The following SH3GL2 variants were observed in gnomAD, a reference collection of about 807,000 sequenced individuals.
SH3GL2 encodes the protein SH3 domain containing GRB2 like 2, endophilin A1, also known as endophilin-A1.
SH3GL2 carries 24 observed loss-of-function variants against 46.0 expected under a neutral mutation model. The ratio of observed to expected loss-of-function variants is 0.52; its 90% CI spans 0.38 to 0.73. The LOEUF is 0.73. Ranked by LOEUF, SH3GL2 falls within the 30% of genes least tolerant of loss-of-function variation. SH3GL2 has a pLI of 0.00. For synonymous variants in SH3GL2, 196 were observed against 147.1 expected (o/e 1.33, Z -2.40); for missense variants, 413 against 424.2 (o/e 0.97, Z 0.23).
At chr9:17,595,780 A>T (rs1465692519) in intron 1 of SH3GL2, among the ~76,000 whole-genome samples, 1 of 152,212 alleles carries the variant, frequency 6.6e-6, no homozygotes, top group African/African-American at 2.4e-5. Flanking sequence ...CATAAAGCAG[A>T]TATGTAATAT....
intron 1 of SH3GL2, among the ~76,000 whole-genome samples, chr9:17,596,178 A>G (rs1252929098): frequency 2.0e-5 from 3 of 149,140 alleles, no homozygotes; most frequent in Non-Finnish European, 2.9e-5. Context: ...GCTTAAAACT[A>G]TTGGAACACC....
At chr9:17,772,009 TTC>T (rs1453554280) in intron 3 of SH3GL2, among the ~76,000 whole-genome samples, 4 of 152,218 alleles carry the variant, frequency 2.6e-5, no homozygotes, top group African/African-American at 9.6e-5. Flanking sequence ...GTATAACTCT[TTC>T]TGTCATTTCG....
intron 1 of SH3GL2, among the ~76,000 whole-genome samples, chr9:17,685,260 A>G (rs1261364702): frequency 6.6e-6 from 1 of 151,792 alleles, no homozygotes; most frequent in African/African-American, 2.4e-5. Flanking sequence ...TTGCATGAAA[A>G]CCCCTCAGGC....
chr9:17,687,089 A>G (rs1212712883), intron 1 of SH3GL2, among the ~76,000 whole-genome samples: 4 of 152,108 alleles, frequency 2.6e-5, no homozygotes, highest in Admixed American at 2.0e-4. Context: ...TAAGCTGGTA[A>G]TAGTAAGAAT....
chr9:17,634,195 A>G (rs969439616), intron 1 of SH3GL2, among the ~76,000 whole-genome samples: 1 of 152,158 alleles, frequency 6.6e-6, no homozygotes, highest in Non-Finnish European at 1.5e-5. Context: ...GGTTAACACT[A>G]GTGAAGTTCT....
chr9:17,749,660 A>G (rs529481778), intron 2 of SH3GL2, among the ~76,000 whole-genome samples: 157 of 152,328 alleles, frequency 1.0e-3, no homozygotes, highest in Non-Finnish European at 2.0e-3. Context: ...CTTAAATGAG[A>G]CTAAAAAGAA....
rs186650143 is a variant in SH3GL2 at position 17,611,759 on chromosome 9, A to G, written c.45+32472A>G. ...CCTTGCTACACCCCGTCAGGAGGAG[A>G]TTAGAGGTGATCATTGCCTTGGGCT... On this transcript the variant is annotated intron_variant, in intron 1 of 8. Transcript: ENST00000380607. 4.5e-3 allele frequency among the ~76,000 whole-genome samples: 680 copies of G among 152,172 alleles called. 9 individuals carry two copies. Among genetic ancestry groups the G allele is most frequent in the African/African-American group, 0.015 (640 of 41,536 alleles).
intron 1 of SH3GL2, among the ~76,000 whole-genome samples, chr9:17,710,012 C>T (rs1412609066): frequency 6.6e-6 from 1 of 151,752 alleles, no homozygotes; most frequent in Non-Finnish European, 1.5e-5. Context: ...AAGGAGTGGT[C>T]CTTATGATTG....
chr9:17,787,303 C>G (rs546034997), intron 4 of SH3GL2, 77 bp from the exon 5 acceptor site: 19 of 1,211,480 alleles, frequency 1.6e-5, no homozygotes, highest in Admixed American at 1.2e-4. Context: ...TTTGGGTTTT[C>G]ATCTGTGAAG....
At chr9:17,602,580 A>G (rs1453538522) in intron 1 of SH3GL2, among the ~76,000 whole-genome samples, 1 of 152,208 alleles carries the variant, frequency 6.6e-6, no homozygotes, top group Non-Finnish European at 1.5e-5. Context: ...AATGAGGAGT[A>G]ACCGGATCCC....
intron 1 of SH3GL2, among the ~76,000 whole-genome samples, chr9:17,605,920 G>A (rs543842414): frequency 6.6e-6 from 1 of 152,144 alleles, no homozygotes; most frequent in African/African-American, 2.4e-5. Flanking sequence ...GGCAGTAACT[G>A]AACTGATAGT....
chr9:17,616,832 G>T (rs1382713184), intron 1 of SH3GL2, among the ~76,000 whole-genome samples: 1 of 151,892 alleles, frequency 6.6e-6, no homozygotes, highest in African/African-American at 2.4e-5. Context: ...ATTAGTTTAT[G>T]CACTTATTTG....
At chr9:17,633,785 G>T (rs1158440965) in intron 1 of SH3GL2, among the ~76,000 whole-genome samples, 2 of 152,202 alleles carry the variant, frequency 1.3e-5, no homozygotes, top group African/African-American at 4.8e-5. Context: ...CCATTTTGCT[G>T]TATGTCCATT....
intron 1 of SH3GL2, among the ~76,000 whole-genome samples, chr9:17,708,724 AG>A (rs1196623879): frequency 6.6e-6 from 1 of 151,876 alleles, no homozygotes; most frequent in African/African-American, 2.4e-5. Flanking sequence ...TCCACTTCTG[AG>A]ATTAGTTTAA....
chr9:17,766,137 G>A (rs1295611319), intron 3 of SH3GL2, among the ~76,000 whole-genome samples: 1 of 152,236 alleles, frequency 6.6e-6, no homozygotes, highest in Non-Finnish European at 1.5e-5. Flanking sequence ...GTTACACACA[G>A]TCTGAGGAGA....
intron 1 of SH3GL2, among the ~76,000 whole-genome samples, chr9:17,624,055 G>C (rs1046190446): frequency 2.6e-5 from 4 of 152,090 alleles, no homozygotes; most frequent in African/African-American, 9.7e-5. Flanking sequence ...CATTTGCACA[G>C]CCTTGGTTTA....
chr9:17,685,441 A>G (rs1421335438), intron 1 of SH3GL2, among the ~76,000 whole-genome samples: 2 of 152,224 alleles, frequency 1.3e-5, no homozygotes, highest in South Asian at 2.1e-4. Context: ...TACCTTCACA[A>G]CAGTACCTAG....
At chr9:17,761,546 A>G (rs759724339) in intron 3 of SH3GL2, 37 bp downstream of exon 3, 16 of 1,261,734 alleles carry the variant, frequency 1.3e-5, no homozygotes, top group Non-Finnish European at 1.2e-6. Flanking sequence ...GGATCCCTCG[A>G]GGTAACTTTT....
intron 1 of SH3GL2, among the ~76,000 whole-genome samples, chr9:17,688,010 C>T (rs1203751786): frequency 1.3e-5 from 2 of 152,070 alleles, no homozygotes; most frequent in Non-Finnish European, 2.9e-5. Context: ...TCTCATAGTT[C>T]AGTATCATAG....
Sources: allele counts gnomAD v4.1 joint callset (sites outside exome capture counted in the v4.1 genomes callset), GRCh38; gene constraint gnomAD v4.1.1; transcripts MANE v1.5; gene names NCBI Gene and HGNC (gene_info 2026-07-23, HGNC 2026-07-21).